Variants in PTCH1 observed in about 807,000 individuals in gnomAD.
PTCH1 encodes protein patched homolog 1.
A neutral mutation model predicts 144.6 loss-of-function variants in PTCH1; 14 were observed. That is an observed-to-expected ratio of 0.10 (90% CI 0.06 to 0.15). The LOEUF (loss-of-function observed/expected upper bound fraction) is 0.15, where lower values mean the gene tolerates loss of function less well. Ranked by LOEUF, PTCH1 falls within the 10% of genes least tolerant of loss-of-function variation. The pLI, the probability that PTCH1 is intolerant of heterozygous loss-of-function variation, is 1.00. For synonymous variants in PTCH1, 833 were observed against 793.6 expected (o/e 1.05, Z -0.83); for missense variants, 1,623 against 1,948.3 (o/e 0.83, Z 3.14).
At chr9:95,488,528 C>G (rs766890294) in intron 2 of PTCH1, among the ~76,000 whole-genome samples, 12 of 137,548 alleles carry the variant, frequency 8.7e-5, no homozygotes, top group Non-Finnish European at 1.7e-4. Context: ...CAAAATGATT[C>G]AAAAACGTTA....
chr9:95,502,715 G>A (rs548420416), intron 2 of PTCH1, among the ~76,000 whole-genome samples: 68 of 152,060 alleles, frequency 4.5e-4, no homozygotes, highest in South Asian at 2.5e-3. Flanking sequence ...TCCTACACAC[G>A]CACACACACG....
intron 1 of PTCH1, chr9:95,507,934 C>G: frequency 1.4e-6 from 2 of 1,440,566 alleles, no homozygotes; most frequent in Non-Finnish European, 1.8e-6. Context: ...ACACACACAC[C>G]TCCACCCCCT....
chr9:95,459,473 A>C, intron 17 of PTCH1, 127 bp downstream of exon 17: 1 of 1,193,236 alleles, frequency 8.4e-7, no homozygotes, highest in Admixed American at 1.9e-5. Context: ...AACGAGAAGA[A>C]ATAGATTGTT....
chr9:95,456,241 T>C (rs754320563), intron 19 of PTCH1, 35 bp downstream of exon 19: 3 of 1,611,322 alleles, frequency 1.9e-6, no homozygotes, highest in South Asian at 1.1e-5. Flanking sequence ...TGGGTTGTTT[T>C]TTCACAAAGT....
chr9:95,457,826 C>T (rs377077820), intron 18 of PTCH1, among the ~76,000 whole-genome samples, 187 bp downstream of exon 18: 11 of 152,150 alleles, frequency 7.2e-5, no homozygotes, highest in South Asian at 2.1e-4. Context: ...AGAGGACCTA[C>T]GAATAAGGCC....
chr9:95,472,824 G>A (rs985487539), intron 12 of PTCH1, among the ~76,000 whole-genome samples: 7 of 152,198 alleles, frequency 4.6e-5, no homozygotes, highest in African/African-American at 7.2e-5. Flanking sequence ...GTCCCCAGGT[G>A]TACACCAAAA....
intron 3 of PTCH1, among the ~76,000 whole-genome samples, chr9:95,485,064 G>A (rs978990227): frequency 7.2e-5 from 11 of 152,052 alleles, no homozygotes; most frequent in African/African-American, 2.7e-4. Flanking sequence ...AAATTAGCCA[G>A]GTGTGGTGGT....
upstream of PTCH1, among the ~76,000 whole-genome samples, chr9:95,510,618 TA>T (rs1372881565): frequency 6.6e-6 from 1 of 151,788 alleles, no homozygotes; most frequent in East Asian, 1.9e-4. Context: ...TGCTTCACTT[TA>T]TTTTTTTTTT....
chr9:95,471,394 A>C (rs904787517), intron 12 of PTCH1, among the ~76,000 whole-genome samples: 4 of 152,204 alleles, frequency 2.6e-5, no homozygotes, highest in African/African-American at 9.7e-5. Context: ...AAAATCCTTC[A>C]TCAACTGAAA....
In PTCH1 at chr9:95,490,563, AAGAT is replaced by A. The variant is rs761154939; in HGVS notation, c.395-4693_395-4690del. Among the ~76,000 whole-genome samples the A allele has an allele frequency of 3.3e-5, 5 of 151,802 alleles. No individual in the cohort carries two copies. In the South Asian group the frequency reaches 6.2e-4, roughly 19 times the overall value. ...CACACACACACACACACACAAAAGA[AAGAT>A]AGATATGAGAGCTACTTGGTAGAGA... On this transcript the variant is annotated intron_variant, in intron 2 of 23. Transcript: ENST00000331920.
intron 2 of PTCH1, 125 bp from the exon 3 acceptor site, chr9:95,485,999 T>A: frequency 9.7e-7 from 1 of 1,036,148 alleles, no homozygotes; most frequent in South Asian, 1.3e-5. Context: ...CTGGCTGATG[T>A]GTGAGCAGTA....
chr9:95,459,540 T>C, intron 17 of PTCH1, 60 bp downstream of exon 17: 1 of 1,592,758 alleles, frequency 6.3e-7, no homozygotes, highest in Non-Finnish European at 8.6e-7. Context: ...TTGCTGAGTT[T>C]GGAGAACCAG....
chr9:95,495,541 C>T (rs1842731130), intron 2 of PTCH1, among the ~76,000 whole-genome samples: 1 of 151,900 alleles, frequency 6.6e-6, no homozygotes, highest in African/African-American at 2.4e-5. Context: ...AAAAAGCCCA[C>T]AAAAGCTTTT....
intron 2 of PTCH1, among the ~76,000 whole-genome samples, chr9:95,493,264 CTG>C (rs1464827183): frequency 1.3e-5 from 2 of 152,372 alleles, no homozygotes; most frequent in South Asian, 2.1e-4. Context: ...TAAGAAACTT[CTG>C]TGTCATTCAC....
At chr9:95,491,997 A>G (rs949193744) in intron 2 of PTCH1, among the ~76,000 whole-genome samples, 2 of 152,214 alleles carry the variant, frequency 1.3e-5, no homozygotes, top group East Asian at 3.8e-4. Context: ...TCATAAAATC[A>G]AAGAGAGACG....
At position 95,480,095 on chromosome 9, in the gene PTCH1, A is replaced by T. The variant is rs1588608882; in HGVS notation, c.946-5T>A. On this transcript the variant is annotated splice_polypyrimidine_tract_variant and splice_region_variant and intron_variant, in intron 6 of 23. Coordinates refer to ENST00000331920, the MANE Select transcript of PTCH1 (RefSeq NM_000264.5). ...AACAAGGGCCATATCAAGAGGCTAA[A>T]ATAAAAAGACAGCCACATAATTATG... is the stretch of plus-strand genomic sequence containing the variant. The T allele has an allele frequency of 6.2e-7, 1 of 1,614,010 alleles. No homozygotes were observed. The highest frequency in any genetic ancestry group is 8.5e-7 in the Non-Finnish European group (1 of 1,180,028).
intron 9 of PTCH1, 137 bp from the exon 10 acceptor site, chr9:95,477,839 C>A: frequency 6.9e-7 from 1 of 1,444,904 alleles, no homozygotes; most frequent in Non-Finnish European, 9.5e-7. Context: ...ACATCAAGGG[C>A]GTCACATAAA....
At chr9:95,473,412 A>T (rs888686918) in intron 12 of PTCH1, among the ~76,000 whole-genome samples, 2 of 152,162 alleles carry the variant, frequency 1.3e-5, no homozygotes, top group Admixed American at 6.5e-5. Flanking sequence ...ACTGTTCATC[A>T]ATGGAAAGAG....
At position 95,477,294 on chromosome 9, in the gene PTCH1, G is replaced by T. The variant is rs540056178; in HGVS notation, c.1503+253C>A. On this transcript the variant is annotated intron_variant, in intron 10 of 23. Coordinates refer to ENST00000331920, the MANE Select transcript of PTCH1 (RefSeq NM_000264.5). ...ACCAGAGCTGAAGAGCCACAACCCTGGTCAATGACATACATTCCTATCAGC... is the reference window on the plus strand; with the variant it reads ...ACCAGAGCTGAAGAGCCACAACCCTTGTCAATGACATACATTCCTATCAGC... Among the ~76,000 whole-genome samples the T allele has an allele frequency of 3.9e-5, 6 of 152,254 alleles. No individual in the cohort carries two copies. The South Asian group carries it at 1.2e-3, about 32-fold the overall frequency.
Sources: allele counts gnomAD v4.1 joint callset (sites outside exome capture counted in the v4.1 genomes callset), GRCh38; gene constraint gnomAD v4.1.1; transcripts MANE v1.5; gene names NCBI Gene and HGNC (gene_info 2026-07-23, HGNC 2026-07-21).